SGCZ: variants seen among roughly 807,000 people sequenced by gnomAD.
SGCZ encodes sarcoglycan zeta.
Under a neutral mutation model 41.3 loss-of-function variants are expected in SGCZ, and 40 were observed. The ratio of observed to expected loss-of-function variants is 0.97; its 90% confidence interval spans 0.75 to 1.26. The LOEUF is 1.26. SGCZ is among the 50% of genes most tolerant of loss of function. SGCZ has a pLI of 0.00. For missense variants in SGCZ, 552 were observed against 369.8 expected, an observed-to-expected ratio of 1.49 and a Z score of -4.04; for synonymous variants, 206 against 137.5, an observed-to-expected ratio of 1.50 and a Z score of -3.49.
intron 1 of SGCZ, among the ~76,000 whole-genome samples, chr8:14,565,848 T>G (rs137972334): frequency 6.6e-6 from 1 of 152,290 alleles, no homozygotes; most frequent in East Asian, 1.9e-4. Flanking sequence ...CACCAATGGT[T>G]ATGAAAAATC....
intron 2 of SGCZ, among the ~76,000 whole-genome samples, chr8:14,527,053 A>G (rs1278654862): frequency 6.7e-6 from 1 of 148,948 alleles, no homozygotes; most frequent in Non-Finnish European, 1.5e-5. Flanking sequence ...TTCTTAATAT[A>G]AAAAGATCCC....
intron 3 of SGCZ, among the ~76,000 whole-genome samples, chr8:14,277,785 T>C (rs1469840796): frequency 1.3e-5 from 2 of 152,134 alleles, no homozygotes; most frequent in Non-Finnish European, 2.9e-5. Context: ...GAATGTTCTC[T>C]GGAATCTCCT....
intron 4 of SGCZ, 175 bp from the exon 5 acceptor site, chr8:14,164,877 G>C (rs1202907787): frequency 1.3e-6 from 1 of 779,268 alleles, no homozygotes; most frequent in East Asian, 2.9e-5. Context: ...GCTAATTTGG[G>C]AATGTACTTC....
intron 4 of SGCZ, among the ~76,000 whole-genome samples, chr8:14,208,262 A>G (rs1398888575): frequency 2.0e-5 from 3 of 152,358 alleles, no homozygotes; most frequent in African/African-American, 4.8e-5. Flanking sequence ...GGCAATGCAT[A>G]TAATTAACAG....
At chr8:14,332,239 T>C (rs1802355531) in intron 2 of SGCZ, among the ~76,000 whole-genome samples, 2 of 151,954 alleles carry the variant, frequency 1.3e-5, no homozygotes, top group South Asian at 4.2e-4. Flanking sequence ...ATCGAGACCA[T>C]CCTGGCTAAC....
intron 1 of SGCZ, among the ~76,000 whole-genome samples, chr8:15,074,462 G>C (rs1405792041): frequency 6.6e-6 from 1 of 152,068 alleles, no homozygotes; most frequent in Non-Finnish European, 1.5e-5. Context: ...CACCCCATTA[G>C]TTTATTCTCC....
intron 1 of SGCZ, among the ~76,000 whole-genome samples, chr8:14,676,279 T>G (rs1585174358): frequency 6.6e-6 from 1 of 152,054 alleles, no homozygotes; most frequent in East Asian, 1.9e-4. Flanking sequence ...AAAGATCTCT[T>G]AAGGCCAGGA....
intron 1 of SGCZ, among the ~76,000 whole-genome samples, chr8:14,932,250 A>G (rs1026873206): frequency 1.3e-5 from 2 of 151,994 alleles, no homozygotes; most frequent in African/African-American, 4.8e-5. Context: ...AGATTTTGAA[A>G]GTTTCAAAAT....
intron 1 of SGCZ, among the ~76,000 whole-genome samples, chr8:15,212,120 G>A (rs1401542101): frequency 6.6e-6 from 1 of 152,100 alleles, no homozygotes; most frequent in Non-Finnish European, 1.5e-5. Context: ...CTCAAGAAAC[G>A]ACTGCATGGA....
At chr8:14,147,613 C>T (rs1803566336) in intron 5 of SGCZ, among the ~76,000 whole-genome samples, 1 of 152,082 alleles carries the variant, frequency 6.6e-6, no homozygotes, top group South Asian at 2.1e-4. Flanking sequence ...AATACGATAA[C>T]TGGAAACTTT....
intron 1 of SGCZ, among the ~76,000 whole-genome samples, chr8:14,942,734 G>A (rs570304685): frequency 1.3e-5 from 2 of 152,172 alleles, no homozygotes; most frequent in Admixed American, 1.3e-4. Context: ...ATTCAATCAT[G>A]TTATAGCCCA....
intron 5 of SGCZ, among the ~76,000 whole-genome samples, chr8:14,125,497 C>T (rs1474846682): frequency 7.9e-6 from 1 of 126,256 alleles, no homozygotes; most frequent in Non-Finnish European, 1.6e-5. Context: ...GAGAAAGATT[C>T]CGTCTCAAAA....
intron 2 of SGCZ, among the ~76,000 whole-genome samples, chr8:14,335,418 C>A (rs1225487073): frequency 6.6e-6 from 1 of 152,204 alleles, no homozygotes; most frequent in East Asian, 1.9e-4. Context: ...TGAAGTCTTG[C>A]ATCTCTTCTT....
At chr8:14,334,472 A>T (rs1802441723) in intron 2 of SGCZ, among the ~76,000 whole-genome samples, 2 of 152,122 alleles carry the variant, frequency 1.3e-5, no homozygotes, top group African/African-American at 4.8e-5. Flanking sequence ...TAGTCGGGGC[A>T]GGTACTACAG....
At chr8:15,141,181 T>A (rs1007313721) in intron 1 of SGCZ, among the ~76,000 whole-genome samples, 2 of 152,250 alleles carry the variant, frequency 1.3e-5, no homozygotes, top group East Asian at 3.9e-4. Flanking sequence ...ATTAACCAAT[T>A]TGAAATTCAA....
At chr8:15,236,910 G>A (rs1237498064) in intron 1 of SGCZ, among the ~76,000 whole-genome samples, 1 of 152,014 alleles carries the variant, frequency 6.6e-6, no homozygotes. Flanking sequence ...CCGCCTCCCC[G>A]CCCCCTGCCC....
intron 1 of SGCZ, among the ~76,000 whole-genome samples, chr8:14,983,615 G>T (rs1049302493): frequency 6.6e-6 from 1 of 152,078 alleles, no homozygotes; most frequent in Non-Finnish European, 1.5e-5. Context: ...AAGGTGCTAG[G>T]ATTACAGATG....
intron 1 of SGCZ, among the ~76,000 whole-genome samples, chr8:14,644,997 G>A (rs959104129): frequency 1.3e-5 from 2 of 150,944 alleles, no homozygotes. Flanking sequence ...GTGGCCTACA[G>A]TCTATCTGCA....
intron 1 of SGCZ, among the ~76,000 whole-genome samples, chr8:14,725,342 A>G (rs1196482744): frequency 1.3e-5 from 2 of 152,194 alleles, no homozygotes; most frequent in Non-Finnish European, 2.9e-5. Context: ...TTCTTTGGAT[A>G]TATACCAAGG....
Sources: allele counts gnomAD v4.1 joint callset (sites outside exome capture counted in the v4.1 genomes callset), GRCh38; gene constraint gnomAD v4.1.1; transcripts MANE v1.5; gene names NCBI Gene and HGNC (gene_info 2026-07-23, HGNC 2026-07-21).